The following RNF123 variants were observed in gnomAD, a reference collection of about 807,000 sequenced individuals.
RNF123 encodes E3 ubiquitin-protein ligase RNF123.
RNF123 carries 86 observed loss-of-function variants against 168.5 expected under a neutral mutation model. That is an observed-to-expected ratio of 0.51 (90% CI 0.43 to 0.61). The LOEUF (loss-of-function observed/expected upper bound fraction) is 0.61, where lower values mean the gene tolerates loss of function less well. Among genes scored for constraint, RNF123 ranks in the 20% least tolerant of loss-of-function variants. RNF123 has a pLI of 0.00. For synonymous variants in RNF123, 666 were observed against 689.1 expected, an observed-to-expected ratio of 0.97 and a Z score of 0.52; for missense variants, 1,419 against 1,729.7, an observed-to-expected ratio of 0.82 and a Z score of 3.19.
At position 49,702,116 on chromosome 3, in the gene RNF123, T is replaced by A; in HGVS notation, c.1529T>A (p.Leu510Gln). ...GAACTACAGGTCCAGATCCTGAAGC[T>A]GCTGCTGGACAATAAAGATGACAAT... Reference protein sequence around the residue: ...VEELQVQILKLLLDNKDDNGG... With the variant: ...VEELQVQILKQLLDNKDDNGG... The change falls in exon 18 of 39, where the codon CTG becomes CAG. Residue 510 changes from leucine (L) to glutamine (Q), a missense_variant. Physicochemically the swap from Leu to Gln is moderately radical, Grantham distance 113. Around this residue, in one of 5 missense-constraint regions of RNF123, gnomAD observed 349 missense variants for 344.9 expected, o/e 1.01. Coordinates refer to ENST00000327697, the MANE Select transcript of RNF123 (RefSeq NM_022064.5). 3 of 1,614,138 alleles carry A rather than the reference T, an allele frequency of 1.9e-6. No individual in the cohort carries two copies. Among genetic ancestry groups the A allele is most frequent in the Non-Finnish European group, 2.5e-6 (3 of 1,180,014 alleles).
Position 49,713,953 on chromosome 3 carries a change from C to T in RNF123, c.2881C>T (p.Arg961Trp), listed in dbSNP as rs750150190. 6.2e-6 allele frequency: 10 copies of T among 1,614,028 alleles called. No homozygotes were observed. Among genetic ancestry groups the T allele is most frequent in the East Asian group, 2.2e-5 (1 of 44,878 alleles). ...GAACCTCCTGGCGCCCTATGAGCAG[C>T]GGCCCTGGGCCCAGACCAACTGGAT... ...VRNLLAPYEQ[R>W]PWAQTNWILV... Residue 961 changes from arginine (R) to tryptophan (W), a missense_variant, in exon 30 of 39, where the codon CGG becomes TGG. Physicochemically the swap from Arg to Trp is moderately radical, Grantham distance 101 (BLOSUM62 -3). Transcript: ENST00000327697.
intron 26 of RNF123, among the ~76,000 whole-genome samples, chr3:49,710,641 G>A (rs1304136762): frequency 6.6e-6 from 1 of 152,172 alleles, no homozygotes; most frequent in African/African-American, 2.4e-5. Context: ...GTGTGTGTGT[G>A]TATCTTTAGG....
intron 31 of RNF123, chr3:49,715,366 G>A: frequency 1.6e-6 from 1 of 619,136 alleles, no homozygotes; most frequent in Non-Finnish European, 2.8e-6. Context: ...GCTGCAGCCT[G>A]GGGCTTGCCT....
At chr3:49,701,782 G>T in intron 16 of RNF123, 29 bp from the exon 17 acceptor site, 1 of 1,553,396 alleles carries the variant, frequency 6.4e-7, no homozygotes, top group Non-Finnish European at 8.7e-7. Context: ...AGGTGACCCT[G>T]CTGTATTCCA....
In RNF123 at chr3:49,721,419, C is replaced by G. The variant is rs1462193786; in HGVS notation, c.*114C>G. ...TGTATCCCACACCACCACATCCAAC[C>G]TCCTTGCCTGCCTGTATCCTCATTG... On this transcript the variant is annotated 3_prime_UTR_variant, in exon 39 of 39. Transcript: ENST00000327697. 1.4e-6 allele frequency: 2 copies of G among 1,379,638 alleles called. No homozygotes were observed. Among genetic ancestry groups the G allele is most frequent in the East Asian group, 4.6e-5 (2 of 43,834 alleles). 85.5% of individuals were successfully genotyped at this position (1,379,638 alleles called of 1,614,324 possible). A position where few individuals can be genotyped will look rare whatever the true frequency, so the allele number is the denominator to read the frequency against.
At chr3:49,690,496 C>T (rs1174568597) in intron 1 of RNF123, among the ~76,000 whole-genome samples, 1 of 152,212 alleles carries the variant, frequency 6.6e-6, no homozygotes, top group Non-Finnish European at 1.5e-5. Context: ...GATAGATGCA[C>T]TAGGAGGACC....
intron 3 of RNF123, among the ~76,000 whole-genome samples, chr3:49,696,642 C>CTTTTTT (rs35074575): frequency 2.5e-5 from 3 of 117,962 alleles, no homozygotes; most frequent in East Asian, 2.5e-4. Flanking sequence ...TGGCCACATA[C>CTTTTTT]TTTTTTTTTT....
In RNF123 at chr3:49,721,230, C is replaced by T. The variant is rs749717135; in HGVS notation, c.3870C>T (p.Phe1290=). The T allele has an allele frequency of 6.2e-7, 1 of 1,614,128 alleles. No individual in the cohort carries two copies. Among genetic ancestry groups the T allele is most frequent in the African/African-American group, 1.3e-5 (1 of 74,940 alleles). ...TGATGAACAACAAGGACTGCTTCTTCTGCAAAACCACCATCGTGTCTGTAG... is the reference window on the plus strand; with the variant it reads ...TGATGAACAACAAGGACTGCTTCTTTTGCAAAACCACCATCGTGTCTGTAG... ...QHLMNNKDCF[F]CKTTIVSVED... Residue 1290 remains phenylalanine (F), a synonymous_variant, in exon 39 of 39, where the codon TTC becomes TTT. Transcript: ENST00000327697.
Position 49,697,141 on chromosome 3 carries a change from A to G in RNF123, c.168-2A>G. ...CCCCTGGCAGCCTCTCACTCTCCCC[A>G]GGAAACCCCTGAACTTCCAGAACCT... On this transcript the variant is annotated splice_acceptor_variant, in intron 3 of 38. Coordinates refer to ENST00000327697, the MANE Select transcript of RNF123 (RefSeq NM_022064.5). LOFTEE classifies it high-confidence loss of function. 1 of 1,613,814 alleles carries G rather than the reference A, an allele frequency of 6.2e-7. No individual in the cohort carries two copies. Among genetic ancestry groups the G allele is most frequent in the Non-Finnish European group, 8.5e-7 (1 of 1,179,812 alleles).
intron 26 of RNF123, among the ~76,000 whole-genome samples, chr3:49,708,508 A>AC (rs34261514): frequency 0.26 from 40,142 of 151,890 alleles, 5,587 homozygotes; most frequent in Non-Finnish European, 0.31. Flanking sequence ...CGGCTCACAG[A>AC]CCCCCAGCTG....
chr3:49,705,722 C>T lies in RNF123; in HGVS notation c.2304+43C>T, dbSNP rs759111882. On this transcript the variant is annotated intron_variant, in intron 24 of 38. Coordinates refer to ENST00000327697, the MANE Select transcript of RNF123 (RefSeq NM_022064.5). ...CCCGCATTGGGTGGCGGGTGTTGTG[C>T]GTGTTTGGTTGTGTGTGTATTCCTG... 3.7e-6 allele frequency: 6 copies of T among 1,611,974 alleles called. No homozygotes were observed. The East Asian group carries it at 6.7e-5, about 18-fold the overall frequency.
Position 49,703,536 on chromosome 3 carries a change from C to G in RNF123, c.1852+8C>G. 1.2e-6 allele frequency: 2 copies of G among 1,610,918 alleles called. No homozygotes were observed. Among genetic ancestry groups the G allele is most frequent in the Non-Finnish European group, 1.7e-6 (2 of 1,177,778 alleles). ...TGCGGAAGACCCTCAAAGGTGTGTA[C>G]AGGCCTGTGGGCCGGGAGCAGTTCT... On this transcript the variant is annotated splice_region_variant and intron_variant, in intron 21 of 38. Coordinates refer to ENST00000327697, the MANE Select transcript of RNF123 (RefSeq NM_022064.5).
chr3:49,694,283 C>T (rs1559669576), intron 3 of RNF123, among the ~76,000 whole-genome samples: 4 of 152,144 alleles, frequency 2.6e-5, no homozygotes, highest in South Asian at 2.1e-4. Flanking sequence ...ATATAAAACC[C>T]GTGAAACCAT....
intron 26 of RNF123, among the ~76,000 whole-genome samples, chr3:49,712,122 G>A (rs1160548208): frequency 6.6e-6 from 1 of 152,092 alleles, no homozygotes; most frequent in African/African-American, 2.4e-5. Flanking sequence ...CTACTCGGGA[G>A]GCTGAGGCAA....
chr3:49,718,625 G>A (rs2080307654), intron 35 of RNF123: 2 of 1,612,908 alleles, frequency 1.2e-6, no homozygotes, highest in Admixed American at 1.7e-5. Context: ...GGCCGCTCTA[G>A]GCCAAGAGCT....
Position 49,702,639 on chromosome 3 carries a change from C to A in RNF123, c.1636C>A (p.Pro546Thr), listed in dbSNP as rs752457227. 4 of 1,614,226 alleles carry A rather than the reference C, an allele frequency of 2.5e-6. 1 individual carries two copies. The highest frequency in any genetic ancestry group is 1.7e-5 in the Admixed American group (1 of 60,032). The change falls in exon 20 of 39, where the codon CCC becomes ACC. Residue 546 changes from proline (P) to threonine (T), a missense_variant. By Grantham distance (38) the Pro-to-Thr change is conservative. This residue lies in a region of RNF123 where 349 missense variants were observed against 344.9 expected (regional missense o/e 1.01). Transcript: ENST00000327697. Reference sequence around the variant, plus strand: ...TCATGCCTGGTGTCCACAGAACATGCCCATGCTCTGCCCCCCTGAGTACAT... The same window carrying A: ...TCATGCCTGGTGTCCACAGAACATGACCATGCTCTGCCCCCCTGAGTACAT... ...QENASGRGNMPMLCPPEYMVC... is the reference protein window; with the variant it reads ...QENASGRGNMTMLCPPEYMVC...
chr3:49,706,584 A>G (rs2054524724), intron 25 of RNF123, among the ~76,000 whole-genome samples: 1 of 152,190 alleles, frequency 6.6e-6, no homozygotes, highest in Admixed American at 6.5e-5. Flanking sequence ...CCTCACTTCC[A>G]TGTCATGAGG....
Position 49,715,563 on chromosome 3 carries a change from G to C in RNF123, c.3011-12G>C. ...GGAGTCCCTGATGATGCCGCCTCCT[G>C]TCCCCCTGCAGAGCCCTGCCCTTCC... On this transcript the variant is annotated splice_polypyrimidine_tract_variant and intron_variant, in intron 31 of 38. Transcript: ENST00000327697. 6.2e-7 allele frequency: 1 copy of C among 1,613,684 alleles called. No homozygotes were observed. The highest frequency in any genetic ancestry group is 8.5e-7 in the Non-Finnish European group (1 of 1,179,860).
intron 35 of RNF123, chr3:49,718,733 A>G: frequency 6.2e-7 from 1 of 1,613,054 alleles, no homozygotes; most frequent in Non-Finnish European, 8.5e-7. Context: ...TCGCGCGCAA[A>G]GTCGCGCACG....
Sources: gnomAD v4.1 joint callset for allele counts (sites outside exome capture counted in the v4.1 genomes callset) on GRCh38, gnomAD v4.1.1 for gene constraint, gnomAD v4.1.1 regional missense constraint, MANE v1.5 for transcripts, NCBI Gene and HGNC (gene_info 2026-07-23, HGNC 2026-07-21) for gene names.